Variants in POTEI observed in about 807,000 individuals in gnomAD.
POTEI encodes POTE ankyrin domain family, member I.
POTEI carries 14 observed loss-of-function variants against 43.4 expected under a neutral mutation model. The observed-to-expected ratio is 0.32, with a 90% CI of 0.21 to 0.50. The LOEUF (loss-of-function observed/expected upper bound fraction) is 0.50. Among genes scored for constraint, POTEI ranks in the 20% least tolerant of loss-of-function variants. The probability of loss-of-function intolerance (pLI) is 0.98; values close to 1 mark genes in which losing one functional copy is unlikely to be tolerated. For missense variants in POTEI, 235 were observed against 795.4 expected, an observed-to-expected ratio of 0.30 and a Z score of 8.47; for synonymous variants, 95 against 297.9, an observed-to-expected ratio of 0.32 and a Z score of 7.01.
chr2:130,479,269 C>A (rs1225608078), intron 10 of POTEI, among the ~76,000 whole-genome samples: 1 of 150,498 alleles, frequency 6.6e-6, no homozygotes, highest in Non-Finnish European at 1.5e-5. Flanking sequence ...TTATTTCTTA[C>A]AGGAAAAAAA....
At chr2:130,477,419 G>T (rs1358341248) in intron 10 of POTEI, among the ~76,000 whole-genome samples, 1 of 149,730 alleles carries the variant, frequency 6.7e-6, no homozygotes. Flanking sequence ...GATTACAGGT[G>T]TGAGCCACCA....
At chr2:130,492,915 C>T (rs1175005388) in intron 6 of POTEI, among the ~76,000 whole-genome samples, 2 of 151,706 alleles carry the variant, frequency 1.3e-5, no homozygotes, top group Non-Finnish European at 2.9e-5. Flanking sequence ...TCTTCCTACC[C>T]AGTCCATAAA....
chr2:130,468,799 A>G (rs2105056058), intron 13 of POTEI, among the ~76,000 whole-genome samples: 1 of 152,368 alleles, frequency 6.6e-6, no homozygotes, highest in Non-Finnish European at 1.5e-5. Context: ...TTTGAAAACA[A>G]AATGATCTCG....
chr2:130,499,994 T>TA (rs1242070303), intron 4 of POTEI, among the ~76,000 whole-genome samples: 2 of 148,256 alleles, frequency 1.3e-5, no homozygotes, highest in African/African-American at 4.9e-5. Context: ...ACACTGGAAA[T>TA]AAAAAAGGAA....
chr2:130,492,812 G>T (rs1683792696), intron 6 of POTEI, among the ~76,000 whole-genome samples: 1 of 137,690 alleles, frequency 7.3e-6, no homozygotes, highest in Non-Finnish European at 1.6e-5. Flanking sequence ...TAGTGCCTAT[G>T]AATTTAACTA....
chr2:130,485,425 A>AAACCC (rs1324861090), intron 9 of POTEI, among the ~76,000 whole-genome samples: 2 of 111,466 alleles, frequency 1.8e-5, no homozygotes, highest in African/African-American at 3.6e-5. Context: ...AGAATCACTT[A>AAACCC]AACCCAAGAG....
In POTEI at chr2:130,509,195, A is replaced by C; in HGVS notation, c.41T>G (p.Val14Gly). ...EVDSMPAASS[V>G]KKPFVLRSKM... ...GCTCCTGAGAACAAATGGCTTCTTC[A>C]CAGAAGAGGCAGCCGGCATTGAATC... is the stretch of plus-strand genomic sequence containing the variant. The change falls in exon 1 of 15, where the codon GTG becomes GGG. Residue 14 changes from valine to glycine, a missense_variant. Val to Gly is a moderately radical substitution (Grantham distance 109). Coordinates refer to ENST00000451531, the MANE Select transcript of POTEI (RefSeq NM_001277406.2). 6.7e-7 allele frequency: 1 copy of C among 1,482,544 alleles called. No individual in the cohort carries two copies. Among genetic ancestry groups the C allele is most frequent in the Non-Finnish European group, 9.1e-7 (1 of 1,103,446 alleles). 91.8% of individuals were successfully genotyped at this position (1,482,544 alleles called of 1,614,324 possible). A position where few individuals can be genotyped will look rare whatever the true frequency, so the allele number is the denominator to read the frequency against.
At chr2:130,468,657 T>C (rs1390223196) in intron 13 of POTEI, among the ~76,000 whole-genome samples, 1 of 149,054 alleles carries the variant, frequency 6.7e-6, no homozygotes, top group Non-Finnish European at 1.5e-5. Flanking sequence ...CACCTGGTAA[T>C]TACAATTTGA....
Position 130,485,219 on chromosome 2 carries a change from C to T in POTEI, c.1409+2813G>A, listed in dbSNP as rs2672115. ...AGCATATACACAATAGAAAAAGTCA[C>T]GAGGGGCCGGGTGCAGTGGCTCACA... On this transcript the variant is annotated intron_variant, in intron 9 of 14. Transcript: ENST00000451531. Among the ~76,000 whole-genome samples, 769 of 138,354 alleles carry T rather than the reference C, an allele frequency of 5.6e-3. 7 individuals are homozygous for T. The highest frequency in any genetic ancestry group is 0.017 in the African/African-American group (652 of 38,510). 90.8% of individuals were successfully genotyped at this position (138,354 alleles called of 152,430 possible).
In POTEI at chr2:130,508,943, A is replaced by C. The variant is rs754025818; in HGVS notation, c.293T>G (p.Met98Arg). The C allele has an allele frequency of 1.3e-6, 2 of 1,589,778 alleles. No individual in the cohort carries two copies. The highest frequency in any genetic ancestry group is 1.7e-6 in the Non-Finnish European group (2 of 1,170,054). ...GAAGCAGTGGCAGCACCACTTGCCC[A>C]TCTTGCTCCTGAGCGTCTTCATAGC... Reference protein sequence around the residue: ...DSAMKTLRSKMGKWCCHCFPC... With the variant: ...DSAMKTLRSKRGKWCCHCFPC... The change falls in exon 1 of 15, where the codon ATG becomes AGG. Residue 98 changes from methionine to arginine, a missense_variant. Met to Arg is a moderately conservative substitution (Grantham distance 91). Transcript: ENST00000451531.
chr2:130,479,680 G>T (rs1232316317), intron 10 of POTEI, among the ~76,000 whole-genome samples: 4 of 57,172 alleles, frequency 7.0e-5, no homozygotes, highest in Non-Finnish European at 1.0e-4. Flanking sequence ...TTTCCCACCT[G>T]GTCCTTTAAA....
In POTEI at chr2:130,508,900, G is replaced by A. The variant is rs766187772; in HGVS notation, c.336C>T (p.Ser112=). 45 of 1,590,178 alleles carry A rather than the reference G, an allele frequency of 2.8e-5. 4 individuals carry two copies. The highest frequency in any genetic ancestry group is 2.7e-4 in the East Asian group (11 of 41,212). ...CCCAAGCACCCACGTTGCTCTTGCC[G>A]CTCCCCCTGCAGCAGGGGAAGCAGT... ...CCHCFPCCRG[S]GKSNVGAWGD... Residue 112 remains serine (S), a synonymous_variant, in exon 1 of 15, where the codon AGC becomes AGT. Transcript: ENST00000451531.
At chr2:130,492,108 CAT>C (rs1474060252) in intron 6 of POTEI, among the ~76,000 whole-genome samples, 6 of 58,172 alleles carry the variant, frequency 1.0e-4, no homozygotes, top group South Asian at 9.4e-4. Context: ...TATTCCTCCA[CAT>C]GTCTGTCCCG....
chr2:130,507,279 T>TAC (rs1240958239), intron 1 of POTEI, among the ~76,000 whole-genome samples: 397 of 2,076 alleles, frequency 0.19, 73 homozygotes, highest in Non-Finnish European at 0.52. Flanking sequence ...AAAGGATATA[T>TAC]ATATATATAT....
At chr2:130,483,775 T>C (rs1237635605) in intron 9 of POTEI, among the ~76,000 whole-genome samples, 1 of 149,570 alleles carries the variant, frequency 6.7e-6, no homozygotes, top group African/African-American at 2.5e-5. Flanking sequence ...TTTTGTATTT[T>C]TAGTAGAGAT....
intron 9 of POTEI, among the ~76,000 whole-genome samples, chr2:130,482,371 G>A (rs1436937127): frequency 6.7e-6 from 1 of 149,688 alleles, no homozygotes; most frequent in Non-Finnish European, 1.5e-5. Flanking sequence ...GCTCCATAAT[G>A]AACAGCTATT....
chr2:130,484,271 A>G (rs1683508749), intron 9 of POTEI, among the ~76,000 whole-genome samples: 1 of 149,676 alleles, frequency 6.7e-6, no homozygotes, highest in Non-Finnish European at 1.5e-5. Context: ...CATAAGGTTA[A>G]CAGCGCTGAT....
At chr2:130,494,912 C>T (rs1006320034) in intron 6 of POTEI, among the ~76,000 whole-genome samples, 7 of 89,630 alleles carry the variant, frequency 7.8e-5, no homozygotes, top group African/African-American at 1.8e-4. Context: ...AAGTATTCAC[C>T]TCGTTCCCAA....
At chr2:130,509,378 G>A (rs1684278753), upstream of POTEI, 2 of 429,250 alleles carry the variant, frequency 4.7e-6, no homozygotes, top group Non-Finnish European at 7.6e-6. Context: ...AACCCCAGCA[G>A]GTAAGCCCAA....
Sources: allele counts gnomAD v4.1 joint callset (sites outside exome capture counted in the v4.1 genomes callset), GRCh38; gene constraint gnomAD v4.1.1; transcripts MANE v1.5; gene names NCBI Gene and HGNC (gene_info 2026-07-23, HGNC 2026-07-21).